HABP4: variants seen among roughly 807,000 people sequenced by gnomAD.
The protein encoded by HABP4 is intracellular hyaluronan-binding protein 4.
A neutral mutation model predicts 44.1 loss-of-function variants in HABP4; 32 were observed. The observed-to-expected ratio is 0.73, with a 90% CI of 0.55 to 0.97. HABP4 has a LOEUF of 0.97. Ranked by LOEUF, HABP4 falls within the 50% of genes least tolerant of loss-of-function variation. The pLI is 0.00. For missense variants in HABP4, 503 were observed against 561.9 expected, an observed-to-expected ratio of 0.90 and a Z score of 1.06; for synonymous variants, 216 against 218.0, an observed-to-expected ratio of 0.99 and a Z score of 0.08.
intron 4 of HABP4, among the ~76,000 whole-genome samples, chr9:96,467,868 A>C (rs1832629378): frequency 6.6e-6 from 1 of 152,062 alleles, no homozygotes; most frequent in South Asian, 2.1e-4. Context: ...CACCTTATCT[A>C]ATACTACCAC....
At position 96,465,208 on chromosome 9, in the gene HABP4, C is replaced by G. The variant is rs1587677452; in HGVS notation, c.513-129C>G. 34 of 681,260 alleles carry G rather than the reference C, an allele frequency of 5.0e-5. No homozygotes were observed. The East Asian group carries it at 8.4e-4, about 17-fold the overall frequency. 42.2% of individuals were successfully genotyped at this position (681,260 alleles called of 1,614,324 possible). On this transcript the variant is annotated intron_variant, in intron 2 of 7. Transcript: ENST00000375249. ...ATAGTATGCGCTCACTAAAGGTTAA[C>G]TATTAATTTGTGATTCAAGCCACCA...
rs547763689 is a variant in HABP4, at chr9:96,474,300, G to A, written c.827+3206G>A. On this transcript the variant is annotated intron_variant, in intron 5 of 7. Coordinates refer to ENST00000375249, the MANE Select transcript of HABP4 (RefSeq NM_014282.4). The stretch of plus-strand genomic sequence containing the variant: ...AACAGTTTATATGAATGTTGAGAAA[G>A]TTAACTGGATACCTTCAGGAGAACA... 3.0e-4 allele frequency among the ~76,000 whole-genome samples: 46 copies of A among 152,296 alleles called. No individual in the cohort carries two copies. The South Asian group carries it at 9.3e-3, about 31-fold the overall frequency.
chr9:96,461,221 C>G (rs1395579519), intron 2 of HABP4, among the ~76,000 whole-genome samples: 1 of 152,126 alleles, frequency 6.6e-6, no homozygotes, highest in Non-Finnish European at 1.5e-5. Flanking sequence ...TGCCACAGAA[C>G]TGAACACTGA....
At chr9:96,481,432 A>G (rs971188662) in intron 5 of HABP4, among the ~76,000 whole-genome samples, 2 of 152,042 alleles carry the variant, frequency 1.3e-5, no homozygotes, top group Admixed American at 1.3e-4. Context: ...TAATTCTCGT[A>G]CTATAGCACT....
intron 4 of HABP4, among the ~76,000 whole-genome samples, chr9:96,468,095 G>A (rs368087366): frequency 6.6e-6 from 1 of 151,148 alleles, no homozygotes; most frequent in East Asian, 2.0e-4. Flanking sequence ...TCCTCTCTCT[G>A]TCTCTAAGAC....
chr9:96,471,280 C>A (rs1832694282), intron 5 of HABP4, among the ~76,000 whole-genome samples, 186 bp downstream of exon 5: 5 of 152,000 alleles, frequency 3.3e-5, no homozygotes, highest in Non-Finnish European at 7.4e-5. Flanking sequence ...GTAGTTGGGA[C>A]AATAGGCGTG....
At chr9:96,485,642 T>TA (rs1832962824) in intron 6 of HABP4, among the ~76,000 whole-genome samples, 1 of 152,176 alleles carries the variant, frequency 6.6e-6, no homozygotes, top group South Asian at 2.1e-4. Flanking sequence ...TAGCAGCATA[T>TA]GTTGATAGGG....
At position 96,471,069 on chromosome 9, in the gene HABP4, A is replaced by G. The variant is rs2131139036; in HGVS notation, c.802A>G (p.Thr268Ala). 6.3e-7 allele frequency: 1 copy of G among 1,596,586 alleles called. No homozygotes were observed. Among genetic ancestry groups the G allele is most frequent in the South Asian group, 1.1e-5 (1 of 90,708 alleles). Residue 268 changes from threonine to alanine, a missense_variant, in exon 5 of 8, where the codon ACC becomes GCC. Coordinates refer to ENST00000375249, the MANE Select transcript of HABP4 (RefSeq NM_014282.4). ...EPTVVEESQG[T>A]PEEESPAKVP... is the part of the protein sequence containing the mutation. ...CACAGTGGTGGAGGAGTCCCAGGGC[A>G]CCCCGGAAGAGGAGTCTCCAGCCAA...
intron 1 of HABP4, among the ~76,000 whole-genome samples, chr9:96,456,213 G>A (rs748800637): frequency 8.6e-5 from 13 of 151,864 alleles, no homozygotes; most frequent in African/African-American, 2.9e-4. Context: ...ATTATAGTAG[G>A]TTGAATTTAG....
intron 4 of HABP4, among the ~76,000 whole-genome samples, chr9:96,468,019 A>C (rs1832632663): frequency 6.6e-6 from 1 of 152,018 alleles, no homozygotes; most frequent in Non-Finnish European, 1.5e-5. Flanking sequence ...TGTTAAAATG[A>C]CGTGTGCCCC....
intron 5 of HABP4, among the ~76,000 whole-genome samples, chr9:96,475,728 C>G (rs1230050124): frequency 6.6e-6 from 1 of 152,220 alleles, no homozygotes; most frequent in Non-Finnish European, 1.5e-5. Flanking sequence ...CTGCCAGGAT[C>G]TCTGAGCGTT....
Position 96,490,674 on chromosome 9 carries a change from G to A in HABP4, c.*636G>A, listed in dbSNP as rs150130854. 1.3e-5 allele frequency: 2 copies of A among 152,300 alleles called. No homozygotes were observed. Among genetic ancestry groups the A allele is most frequent in the African/African-American group, 4.8e-5 (2 of 41,554 alleles). 9.4% of individuals were successfully genotyped at this position (152,300 alleles called of 1,614,324 possible). ...TGATTTAAACTACCTCGTGGTTTCT[G>A]TGTGTGTGCACACACACATCTAGTG... On this transcript the variant is annotated 3_prime_UTR_variant, in exon 8 of 8. Coordinates refer to ENST00000375249, the MANE Select transcript of HABP4 (RefSeq NM_014282.4).
At position 96,490,586 on chromosome 9, in the gene HABP4, A is replaced by G. The variant is rs948456903; in HGVS notation, c.*548A>G. 5 of 152,494 alleles carry G rather than the reference A, an allele frequency of 3.3e-5. No individual in the cohort carries two copies. Among genetic ancestry groups the G allele is most frequent in the African/African-American group, 9.6e-5 (4 of 41,460 alleles). 9.4% of individuals were successfully genotyped at this position (152,494 alleles called of 1,614,324 possible). Reference sequence around the variant, plus strand: ...CTTAACCAATCATTTAAAAATCGCTATTGTGTAGCCACTGGCCACCACTCT... The same window carrying G: ...CTTAACCAATCATTTAAAAATCGCTGTTGTGTAGCCACTGGCCACCACTCT... On this transcript the variant is annotated 3_prime_UTR_variant, in exon 8 of 8. Transcript: ENST00000375249.
chr9:96,456,503 G>A (rs1249472392), intron 1 of HABP4, among the ~76,000 whole-genome samples: 1 of 151,982 alleles, frequency 6.6e-6, no homozygotes, highest in African/African-American at 2.4e-5. Context: ...GCTCACGCCT[G>A]TAATCCCAGC....
rs1390409760 is a variant in HABP4 at position 96,488,358 on chromosome 9, A to G, written c.1185+84A>G. The G allele has an allele frequency of 4.6e-6, 4 of 865,580 alleles. No homozygotes were observed. The Admixed American group carries it at 7.8e-5, about 17-fold the overall frequency. The allele number at this position is 865,580 out of a possible 1,614,324, so 53.6% of individuals were successfully genotyped here. A position where few individuals can be genotyped will look rare whatever the true frequency, so the allele number is the denominator to read the frequency against. ...CAGGATGGTCTAATTTCAGAGGGTC[A>G]TGAGTTTCTGCAGTCACTTCTTTCT... is the stretch of plus-strand genomic sequence containing the variant. On this transcript the variant is annotated intron_variant, in intron 7 of 7. Coordinates refer to ENST00000375249, the MANE Select transcript of HABP4 (RefSeq NM_014282.4). This position sits in a 1 kb window ranked among gnomAD's most constrained non-coding sequence, Gnocchi z 4.6.
chr9:96,463,978 A>G (rs1564161650), intron 2 of HABP4, among the ~76,000 whole-genome samples: 1 of 152,338 alleles, frequency 6.6e-6, no homozygotes, highest in East Asian at 1.9e-4. Context: ...AACTATTGTT[A>G]CAATGGTGAA....
chr9:96,455,876 G>A (rs946031466), intron 1 of HABP4, among the ~76,000 whole-genome samples: 5 of 151,896 alleles, frequency 3.3e-5, no homozygotes, highest in Non-Finnish European at 5.9e-5. Flanking sequence ...CCAACATGGT[G>A]AAACCCCATC....
chr9:96,463,820 T>C (rs1376010363), intron 2 of HABP4, among the ~76,000 whole-genome samples: 1 of 152,198 alleles, frequency 6.6e-6, no homozygotes, highest in Non-Finnish European at 1.5e-5. Flanking sequence ...CTTTTAGCCA[T>C]AAAAGTAGAT....
At chr9:96,457,276 G>C (rs1333964319) in intron 1 of HABP4, among the ~76,000 whole-genome samples, 2 of 152,116 alleles carry the variant, frequency 1.3e-5, no homozygotes, top group Non-Finnish European at 2.9e-5. Flanking sequence ...GGGAGGCGGA[G>C]GTTGCAGTGA....
Sources: gnomAD v4.1 joint callset for allele counts (sites outside exome capture counted in the v4.1 genomes callset) on GRCh38, gnomAD v4.1.1 for gene constraint, Gnocchi (gnomAD v3.1) non-coding constraint, MANE v1.5 for transcripts, NCBI Gene and HGNC (gene_info 2026-07-23, HGNC 2026-07-21) for gene names.